The following FCHO2 variants were observed in gnomAD, a reference collection of about 807,000 sequenced individuals.
The protein encoded by FCHO2 is F-BAR domain only protein 2.
In FCHO2, 43 loss-of-function variants were observed where a neutral mutation model predicts 114.1. The observed-to-expected ratio is 0.38, with a 90% CI of 0.30 to 0.49. The LOEUF (loss-of-function observed/expected upper bound fraction) is 0.49. FCHO2 is among the 20% of genes least tolerant of loss of function. The pLI is 0.97. For missense variants in FCHO2, 807 were observed against 950.4 expected (o/e 0.85, Z 1.98); for synonymous variants, 293 against 315.2 (o/e 0.93, Z 0.75).
chr5:72,957,522 G>T (rs1751622314), intron 1 of FCHO2, among the ~76,000 whole-genome samples: 1 of 152,198 alleles, frequency 6.6e-6, no homozygotes, highest in Non-Finnish European at 1.5e-5. Flanking sequence ...TATCCATGAT[G>T]TAGCATGTAT....
At chr5:72,985,597 A>G (rs751779922) in intron 2 of FCHO2, among the ~76,000 whole-genome samples, 5 of 152,126 alleles carry the variant, frequency 3.3e-5, no homozygotes, top group Non-Finnish European at 7.4e-5. Flanking sequence ...TATTTTATTA[A>G]GGATTTGCTT....
At position 73,060,108 on chromosome 5, in the gene FCHO2, C is replaced by T. The variant is rs371906071; in HGVS notation, c.1345+1584C>T. On this transcript the variant is annotated intron_variant, in intron 17 of 25. Transcript: ENST00000430046. Reference sequence around the variant, plus strand: ...TCATTTTATAAAAGTACTCTTTCTTCCTTTTGCTCCCTGTCTAAAGAGTGT... The same window carrying T: ...TCATTTTATAAAAGTACTCTTTCTTTCTTTTGCTCCCTGTCTAAAGAGTGT... Among the ~76,000 whole-genome samples the T allele has an allele frequency of 2.6e-5, 4 of 152,014 alleles. No individual in the cohort carries two copies. In the South Asian group the frequency reaches 8.3e-4, roughly 32 times the overall value.
Position 73,087,852 on chromosome 5 carries a change from G to A in FCHO2, c.2410+99G>A, listed in dbSNP as rs1206026178. 2.7e-6 allele frequency: 4 copies of A among 1,490,976 alleles called. No individual in the cohort carries two copies. In the African/African-American group the frequency reaches 5.6e-5, roughly 21 times the overall value. 92.4% of individuals were successfully genotyped at this position (1,490,976 alleles called of 1,614,324 possible). A position where few individuals can be genotyped will look rare whatever the true frequency, so the allele number is the denominator to read the frequency against. On this transcript the variant is annotated intron_variant, in intron 25 of 25. Transcript: ENST00000430046. ...CAAGCAATTTATAATCTAAAGACAT[G>A]GAAATTTTTTCTTTAACCCTTGGTA... is the stretch of plus-strand genomic sequence containing the variant.
chr5:73,000,070 A>G lies in FCHO2; in HGVS notation c.496-6375A>G, dbSNP rs553746597. Among the ~76,000 whole-genome samples the G allele has an allele frequency of 3.9e-5, 6 of 152,250 alleles. No individual in the cohort carries two copies. The East Asian group carries it at 1.2e-3, about 29-fold the overall frequency. The stretch of plus-strand genomic sequence containing the variant: ...TTCCAGGCTGGAGTGCATTGGCACA[A>G]TCACGGCTCACTGTAACCTTGAACT... On this transcript the variant is annotated intron_variant, in intron 5 of 25. Transcript: ENST00000430046.
intron 1 of FCHO2, among the ~76,000 whole-genome samples, chr5:72,966,055 G>C (rs940220683): frequency 6.6e-6 from 1 of 152,074 alleles, no homozygotes; most frequent in Non-Finnish European, 1.5e-5. Flanking sequence ...TCTATCTTCT[G>C]CCTATTTTTC....
chr5:73,088,173 T>C lies in FCHO2; in HGVS notation c.*83T>C. On this transcript the variant is annotated 3_prime_UTR_variant, in exon 26 of 26. Coordinates refer to ENST00000430046, the MANE Select transcript of FCHO2 (RefSeq NM_138782.3). ...TGTTCTTTCCAAACACTATTTTAACTTGTATGATGTCTTTCAAACTTAGAC... is the reference window on the plus strand; with the variant it reads ...TGTTCTTTCCAAACACTATTTTAACCTGTATGATGTCTTTCAAACTTAGAC... The C allele has an allele frequency of 6.4e-7, 1 of 1,554,294 alleles. No homozygotes were observed. The highest frequency in any genetic ancestry group is 8.8e-7 in the Non-Finnish European group (1 of 1,138,046).
intron 2 of FCHO2, among the ~76,000 whole-genome samples, chr5:72,972,874 C>T (rs1752641739): frequency 1.3e-5 from 2 of 152,104 alleles, no homozygotes; most frequent in African/African-American, 4.8e-5. Flanking sequence ...GAAATACGTC[C>T]CATCAATGCC....
At chr5:72,989,822 T>G (rs1753729070) in intron 3 of FCHO2, among the ~76,000 whole-genome samples, 1 of 152,154 alleles carries the variant, frequency 6.6e-6, no homozygotes, top group South Asian at 2.1e-4. Flanking sequence ...ATTTAAATTC[T>G]GTTGTAGTTT....
At chr5:73,054,312 A>T (rs555723529) in intron 14 of FCHO2, 141 bp downstream of exon 14, 2 of 894,398 alleles carry the variant, frequency 2.2e-6, no homozygotes, top group South Asian at 3.9e-5. Context: ...TTAATATTTT[A>T]AAAACATTAG....
intron 8 of FCHO2, among the ~76,000 whole-genome samples, chr5:73,019,028 C>T (rs1334071140): frequency 2.0e-5 from 3 of 152,198 alleles, no homozygotes; most frequent in Non-Finnish European, 4.4e-5. Context: ...ACTAAGCTGA[C>T]TTTGGCAGAA....
chr5:72,968,160 G>A (rs938294819), intron 1 of FCHO2, among the ~76,000 whole-genome samples: 10 of 151,750 alleles, frequency 6.6e-5, no homozygotes, highest in Admixed American at 5.2e-4. Context: ...TCCTGACCTC[G>A]TGATCCGCCC....
intron 2 of FCHO2, among the ~76,000 whole-genome samples, chr5:72,986,223 C>T (rs1414783902): frequency 6.8e-6 from 1 of 146,286 alleles, no homozygotes; most frequent in Non-Finnish European, 1.5e-5. Flanking sequence ...GTTGTATTTT[C>T]TAGATCTGTA....
Position 72,983,785 on chromosome 5 carries a change from A to G in FCHO2, c.126-5642A>G, listed in dbSNP as rs2112651205. 1.3e-5 allele frequency among the ~76,000 whole-genome samples: 2 copies of G among 151,614 alleles called. 1 individual carries two copies. The highest frequency in any genetic ancestry group is 4.2e-4 in the South Asian group (2 of 4,808). On this transcript the variant is annotated intron_variant, in intron 2 of 25. Transcript: ENST00000430046. Reference sequence around the variant, plus strand: ...TTCAGTATTTTTTTGGCTCTTCTAGATCTTTTGCTGTTTTCGGTTTTTTTT... The same window carrying G: ...TTCAGTATTTTTTTGGCTCTTCTAGGTCTTTTGCTGTTTTCGGTTTTTTTT...
chr5:73,013,421 C>G (rs1023480195), intron 6 of FCHO2, among the ~76,000 whole-genome samples: 3 of 152,096 alleles, frequency 2.0e-5, no homozygotes, highest in African/African-American at 7.2e-5. Flanking sequence ...AGGCCCATTC[C>G]TTAGAACTGA....
chr5:72,966,043 A>C (rs540935306), intron 1 of FCHO2, among the ~76,000 whole-genome samples: 1 of 152,290 alleles, frequency 6.6e-6, no homozygotes, highest in African/African-American at 2.4e-5. Context: ...TACAATATAC[A>C]ATCTATCTTC....
chr5:73,001,775 A>T (rs1754456659), intron 5 of FCHO2, among the ~76,000 whole-genome samples: 1 of 151,982 alleles, frequency 6.6e-6, no homozygotes, highest in African/African-American at 2.4e-5. Context: ...CATCTCTACA[A>T]AAAAAGAAAA....
chr5:72,990,423 CT>C, intron 3 of FCHO2, 54 bp from the exon 4 acceptor site: 2 of 1,368,572 alleles, frequency 1.5e-6, no homozygotes, highest in Non-Finnish European at 2.0e-6. Flanking sequence ...TTGTTAGAAC[CT>C]TAATTTTCTT....
intron 18 of FCHO2, 41 bp downstream of exon 18, chr5:73,063,985 A>T (rs1451773334): frequency 6.7e-7 from 1 of 1,503,644 alleles, no homozygotes; most frequent in Non-Finnish European, 9.1e-7. Flanking sequence ...AACTGTTTTG[A>T]TTTAAGATGC....
intron 5 of FCHO2, among the ~76,000 whole-genome samples, chr5:72,992,336 T>A (rs927960144): frequency 6.6e-6 from 1 of 152,144 alleles, no homozygotes; most frequent in Non-Finnish European, 1.5e-5. Context: ...GAAAACACCC[T>A]CTGCTTCAGA....
Sources: allele counts gnomAD v4.1 joint callset (sites outside exome capture counted in the v4.1 genomes callset), GRCh38; gene constraint gnomAD v4.1.1; transcripts MANE v1.5; gene names NCBI Gene and HGNC (gene_info 2026-07-23, HGNC 2026-07-21).